ZDHHC11: variants seen among roughly 807,000 people sequenced by gnomAD.
ZDHHC11 encodes the protein zDHHC palmitoyltransferase 11.
Under a neutral mutation model 51.3 loss-of-function variants are expected in ZDHHC11, and 44 were observed. The ratio of observed to expected loss-of-function variants is 0.86; its 90% CI spans 0.67 to 1.10. ZDHHC11 has a LOEUF of 1.10. Ranked by LOEUF, ZDHHC11 falls within the 50% of genes least tolerant of loss-of-function variation. The probability of loss-of-function intolerance (pLI) is 0.00; values close to 1 mark genes in which losing one functional copy is unlikely to be tolerated. For missense variants in ZDHHC11, 400 were observed against 537.7 expected (o/e 0.74, Z 2.53); for synonymous variants, 163 against 222.0 (o/e 0.73, Z 2.36).
intron 11 of ZDHHC11, among the ~76,000 whole-genome samples, chr5:807,431 G>T (rs565815699): frequency 6.6e-6 from 1 of 151,490 alleles, no homozygotes; most frequent in African/African-American, 2.4e-5. Flanking sequence ...AGACAAAGAT[G>T]ATGTCAGACT....
chr5:856,661 GCAC>G (rs891136636), intron 1 of ZDHHC11, among the ~76,000 whole-genome samples: 7 of 145,930 alleles, frequency 4.8e-5, no homozygotes, highest in Non-Finnish European at 7.5e-5. Context: ...CACTGCACGT[GCAC>G]CACGTGACAA....
At position 819,247 on chromosome 5, in the gene ZDHHC11, C is replaced by G. The variant is rs192708655; in HGVS notation, c.1146+278G>C. Reference sequence around the variant, plus strand: ...TGGGCACTTCAGAGCCTGCCCTGGGCATCTGCCCATCACCGCAGCCTGATG... The same window carrying G: ...TGGGCACTTCAGAGCCTGCCCTGGGGATCTGCCCATCACCGCAGCCTGATG... On this transcript the variant is annotated intron_variant, in intron 10 of 12. Transcript: ENST00000283441. 2.0e-5 allele frequency among the ~76,000 whole-genome samples: 3 copies of G among 151,618 alleles called. 1 individual carries two copies.
chr5:837,782 A>G (rs1682006196), intron 5 of ZDHHC11, among the ~76,000 whole-genome samples: 1 of 151,884 alleles, frequency 6.6e-6, no homozygotes, highest in South Asian at 2.1e-4. Context: ...GGTGTCAGAG[A>G]TGAGCTGTCT....
At chr5:805,674 T>A (rs1739140209) in intron 11 of ZDHHC11, among the ~76,000 whole-genome samples, 1 of 151,318 alleles carries the variant, frequency 6.6e-6, no homozygotes, top group South Asian at 2.1e-4. Context: ...AATCATTTCT[T>A]ATCAGTAATT....
rs1216178860 is a variant in ZDHHC11 at position 841,104 on chromosome 5, G to A, written c.629-454C>T. 1.2e-5 allele frequency: 11 copies of A among 928,466 alleles called. No individual in the cohort carries two copies. The African/African-American group carries it at 2.7e-4, about 22-fold the overall frequency. The allele number at this position is 928,466 out of a possible 1,614,324, so 57.5% of individuals were successfully genotyped here. On this transcript the variant is annotated intron_variant, in intron 4 of 12. Transcript: ENST00000283441. ...ACAGTGCCCACCCCTTCCTCACTAA[G>A]TGCCAGGGTCACAGCACCCATCCCT...
At chr5:815,082 G>A (rs1200838398) in intron 10 of ZDHHC11, among the ~76,000 whole-genome samples, 1 of 151,376 alleles carries the variant, frequency 6.6e-6, no homozygotes, top group Non-Finnish European at 1.5e-5. Flanking sequence ...GGTAATGGAT[G>A]TTAGATGAGG....
intron 7 of ZDHHC11, among the ~76,000 whole-genome samples, chr5:825,734 G>T (rs1467423915): frequency 6.6e-6 from 1 of 152,236 alleles, no homozygotes; most frequent in Non-Finnish European, 1.5e-5. Context: ...CACAGAACAG[G>T]TGACAACTCC....
intron 11 of ZDHHC11, among the ~76,000 whole-genome samples, chr5:814,550 G>A (rs1409744223): frequency 6.6e-6 from 1 of 151,526 alleles, no homozygotes; most frequent in Admixed American, 6.6e-5. Flanking sequence ...AAGTTCAAAT[G>A]TTAGTTATAA....
At chr5:848,783 A>C in intron 1 of ZDHHC11, 123 bp from the exon 2 acceptor site, 1 of 1,399,754 alleles carries the variant, frequency 7.1e-7, no homozygotes, top group Non-Finnish European at 9.7e-7. Flanking sequence ...AGCCCTGCAC[A>C]CGTGAGCCCA....
chr5:821,988 T>A, intron 8 of ZDHHC11, 93 bp from the exon 9 acceptor site: 1 of 1,187,314 alleles, frequency 8.4e-7, no homozygotes, highest in Non-Finnish European at 1.2e-6. Flanking sequence ...GTTCTGACAG[T>A]CACTTCTGAG....
intron 4 of ZDHHC11, 125 bp from the exon 5 acceptor site, chr5:840,775 T>G: frequency 1.3e-6 from 2 of 1,546,652 alleles, no homozygotes; most frequent in Non-Finnish European, 1.7e-6. Context: ...GAGGGATGTC[T>G]CCCTGCCCAG....
chr5:849,880 C>G (rs999989893), intron 1 of ZDHHC11: 6 of 158,530 alleles, frequency 3.8e-5, no homozygotes, highest in African/African-American at 1.4e-4. Context: ...TCCAGTCACC[C>G]TGCCTGGCCC....
chr5:823,995 A>C (rs1383499431), intron 8 of ZDHHC11: 7 of 450,498 alleles, frequency 1.6e-5, no homozygotes, highest in Non-Finnish European at 3.1e-5. Context: ...AGGCTTGGAC[A>C]CCAGCGTCGC....
rs201487118 is a variant in ZDHHC11, at chr5:814,723, A to T, written c.1181+38T>A. 8.2e-4 allele frequency: 1,265 copies of T among 1,535,110 alleles called. 59 individuals carry two copies. The highest frequency in any genetic ancestry group is 1.1e-3 in the Non-Finnish European group (1,211 of 1,139,866). On this transcript the variant is annotated intron_variant, in intron 11 of 12. Transcript: ENST00000283441. ...GTAATTTGAGTTCAGGCAAGTGTAG[A>T]GACAGACAAAACGTTCCCGTTAAAC...
intron 11 of ZDHHC11, among the ~76,000 whole-genome samples, chr5:802,827 A>T (rs1243242555): frequency 1.4e-4 from 5 of 35,802 alleles, no homozygotes; most frequent in African/African-American, 3.5e-4. Flanking sequence ...CAAAAATACA[A>T]AAAAAAAAAA....
At chr5:819,707 G>A in intron 9 of ZDHHC11, 95 bp from the exon 10 acceptor site, 3 of 1,300,852 alleles carry the variant, frequency 2.3e-6, no homozygotes, top group South Asian at 2.4e-5. Context: ...AAGCACCACT[G>A]CAGTGGGGCC....
rs768207233 is a variant in ZDHHC11, at chr5:812,737, C to G, written c.1181+2024G>C. ...ATCTGACAACCTTGGCACAAAGGTG[C>G]TTCTTGCAATTTTGTTTGCAAAACC... On this transcript the variant is annotated intron_variant, in intron 11 of 12. Coordinates refer to ENST00000283441, the MANE Select transcript of ZDHHC11 (RefSeq NM_024786.3). 2.7e-4 allele frequency among the ~76,000 whole-genome samples: 41 copies of G among 151,400 alleles called. 1 individual carries two copies. The highest frequency in any genetic ancestry group is 5.2e-4 in the Non-Finnish European group (35 of 67,714).
chr5:849,844 A>C (rs1257281367), intron 1 of ZDHHC11: 1 of 155,272 alleles, frequency 6.4e-6, no homozygotes, highest in Non-Finnish European at 1.4e-5. Flanking sequence ...ATGGCAACCA[A>C]ATAGAAGGGG....
At chr5:803,897 A>G (rs1403451644) in intron 11 of ZDHHC11, among the ~76,000 whole-genome samples, 1 of 150,222 alleles carries the variant, frequency 6.7e-6, no homozygotes, top group East Asian at 1.9e-4. Context: ...GATTTGAGCA[A>G]GCAGAAGAAA....
Sources: gnomAD v4.1 joint callset for allele counts (sites outside exome capture counted in the v4.1 genomes callset) on GRCh38, gnomAD v4.1.1 for gene constraint, MANE v1.5 for transcripts, NCBI Gene and HGNC (gene_info 2026-07-23, HGNC 2026-07-21) for gene names.